The following MFSD8 variants were observed in gnomAD, a reference collection of about 807,000 sequenced individuals.
MFSD8 encodes the protein major facilitator superfamily domain-containing protein 8.
MFSD8 carries 55 observed loss-of-function variants against 66.4 expected under a neutral mutation model. The ratio of observed to expected loss-of-function variants is 0.83; its 90% CI spans 0.67 to 1.04. The LOEUF is 1.04. Ranked by LOEUF, MFSD8 falls within the 50% of genes least tolerant of loss-of-function variation. The pLI, the probability that MFSD8 is intolerant of heterozygous loss-of-function variation, is 0.00. For synonymous variants in MFSD8, 202 were observed against 212.8 expected (o/e 0.95, Z 0.44); for missense variants, 550 against 627.6 (o/e 0.88, Z 1.32).
chr4:127,948,969 A>G (rs936600032), intron 3 of MFSD8, among the ~76,000 whole-genome samples: 1 of 152,256 alleles, frequency 6.6e-6, no homozygotes, highest in Non-Finnish European at 1.5e-5. Flanking sequence ...AGACTAATAC[A>G]GGTGGTTTCA....
upstream of MFSD8, chr4:127,965,271 C>T (rs533940336): frequency 1.4e-5 from 16 of 1,107,714 alleles, no homozygotes; most frequent in South Asian, 1.3e-4. Flanking sequence ...CGGAACGCCC[C>T]GAGGTCATAG....
At chr4:127,921,357 C>T in intron 11 of MFSD8, 167 bp downstream of exon 11, 1 of 1,147,910 alleles carries the variant, frequency 8.7e-7, no homozygotes, top group Non-Finnish European at 1.2e-6. Flanking sequence ...CATAACCTAC[C>T]CAAGAATGAA....
At chr4:127,963,214 T>C (rs1170781253) in intron 1 of MFSD8, among the ~76,000 whole-genome samples, 1 of 152,188 alleles carries the variant, frequency 6.6e-6, no homozygotes, top group Non-Finnish European at 1.5e-5. Context: ...TTGGACAGAT[T>C]TGTTAAACTA....
At chr4:127,929,418 A>C (rs1737774851) in intron 9 of MFSD8, among the ~76,000 whole-genome samples, 1 of 147,586 alleles carries the variant, frequency 6.8e-6, no homozygotes, top group East Asian at 1.9e-4. Flanking sequence ...CTCTACAAAA[A>C]GTTAAAAAAA....
intron 2 of MFSD8, among the ~76,000 whole-genome samples, chr4:127,952,942 C>G (rs552382439): frequency 1.3e-5 from 2 of 149,026 alleles, no homozygotes; most frequent in East Asian, 2.0e-4. Flanking sequence ...GAAATTGTTT[C>G]TTATAATTTT....
intron 9 of MFSD8, among the ~76,000 whole-genome samples, chr4:127,925,746 C>A (rs1285616853): frequency 6.6e-6 from 1 of 152,108 alleles, no homozygotes; most frequent in Non-Finnish European, 1.5e-5. Flanking sequence ...TGGGTATATA[C>A]CCAAAGGATT....
intron 9 of MFSD8, among the ~76,000 whole-genome samples, chr4:127,926,061 A>G (rs1364048612): frequency 6.6e-6 from 1 of 151,892 alleles, no homozygotes; most frequent in African/African-American, 2.4e-5. Flanking sequence ...CAGGGAGGGG[A>G]ACATCACACA....
At chr4:127,964,780 G>A (rs543908456) in intron 1 of MFSD8, 34 of 550,738 alleles carry the variant, frequency 6.2e-5, no homozygotes, top group East Asian at 9.6e-5. Context: ...TGTGAGGACT[G>A]CCAGCACGCT....
chr4:127,949,751 A>G, intron 3 of MFSD8, 53 bp downstream of exon 3: 1 of 1,460,434 alleles, frequency 6.8e-7, no homozygotes. Flanking sequence ...TTAACTACGT[A>G]AGAGTTACTA....
chr4:127,960,196 A>G (rs1743511040), intron 1 of MFSD8, among the ~76,000 whole-genome samples: 1 of 152,214 alleles, frequency 6.6e-6, no homozygotes, highest in South Asian at 2.1e-4. Context: ...GGAATACACA[A>G]TATAGTGGAG....
chr4:127,938,720 A>T lies in MFSD8; in HGVS notation c.754+63T>A, dbSNP rs1183023070. The T allele has an allele frequency of 3.9e-5, 56 of 1,421,296 alleles. 1 individual carries two copies. The highest frequency in any genetic ancestry group is 5.0e-5 in the Non-Finnish European group (51 of 1,014,868). The allele number at this position is 1,421,296 out of a possible 1,614,324, so 88.0% of individuals were successfully genotyped here. A position where few individuals can be genotyped will look rare whatever the true frequency, so the allele number is the denominator to read the frequency against. On this transcript the variant is annotated intron_variant, in intron 7 of 11. Coordinates refer to ENST00000641686, the MANE Select transcript of MFSD8 (RefSeq NM_001371596.2). ...GCAAAATCGAAGTAAATACCAAACA[A>T]ACAGAATCATTAGAAACACTTTGAT...
rs952826538 is a variant in MFSD8 at position 127,953,543 on chromosome 4, G to GTTTTTTTTTT, written c.155-3706_155-3697dup. 6.0e-5 allele frequency among the ~76,000 whole-genome samples: 4 copies of GTTTTTTTTTT among 67,032 alleles called. 1 individual carries two copies. Among genetic ancestry groups the GTTTTTTTTTT allele is most frequent in the African/African-American group, 1.3e-4 (2 of 15,750 alleles). 44.0% of individuals were successfully genotyped at this position (67,032 alleles called of 152,430 possible). ...TTCTGATATTTGCACAAGGCATTCT[G>GTTTTTTTTTT]TTTTTTTTTTTTTTTTTTTTTTTTT... On this transcript the variant is annotated intron_variant, in intron 2 of 11. Transcript: ENST00000641686.
intron 6 of MFSD8, chr4:127,939,480 C>T (rs1276220084): frequency 5.6e-6 from 1 of 179,640 alleles, no homozygotes; most frequent in Non-Finnish European, 1.2e-5. Flanking sequence ...TTGGCATGCA[C>T]CTGTAGCCCC....
At chr4:127,944,734 C>A (rs2148925570) in intron 3 of MFSD8, among the ~76,000 whole-genome samples, 2 of 152,174 alleles carry the variant, frequency 1.3e-5, no homozygotes, top group South Asian at 4.1e-4. Flanking sequence ...GATCACGGCT[C>A]AGTGCAGCCT....
Position 127,919,260 on chromosome 4 carries a change from G to C in MFSD8, c.*1370C>G, listed in dbSNP as rs1350140266. The C allele has an allele frequency of 6.6e-6, 1 of 152,114 alleles. No homozygotes were observed. The highest frequency in any genetic ancestry group is 1.5e-5 in the Non-Finnish European group (1 of 68,038). 9.4% of individuals were successfully genotyped at this position (152,114 alleles called of 1,614,324 possible). A position where few individuals can be genotyped will look rare whatever the true frequency, so the allele number is the denominator to read the frequency against. On this transcript the variant is annotated 3_prime_UTR_variant, in exon 12 of 12. Transcript: ENST00000641686. Reference sequence around the variant, plus strand: ...TCACTTTGTTTCCCAGGCTGGTCTTGAATTCCTGGCCTCAAGCAATCCTCC... The same window carrying C: ...TCACTTTGTTTCCCAGGCTGGTCTTCAATTCCTGGCCTCAAGCAATCCTCC...
chr4:127,943,816 GT>G lies in MFSD8; in HGVS notation c.374del (p.His125ProfsTer25). 1 of 1,614,164 alleles carries G rather than the reference GT, an allele frequency of 6.2e-7. No individual in the cohort carries two copies. The highest frequency in any genetic ancestry group is 8.5e-7 in the Non-Finnish European group (1 of 1,180,022). On this transcript the variant is annotated frameshift_variant, in exon 4 of 12. Coordinates refer to ENST00000641686, the MANE Select transcript of MFSD8 (RefSeq NM_001371596.2). LOFTEE classifies it high-confidence loss of function. The stretch of plus-strand genomic sequence containing the variant: ...AGTATTTATTATGAGAAGCTGGGAT[GT>G]GGAGATATGCATAGAGGCAGTTGGC... ...VAANCLYAYL[H>X]IPASHNKYYM... is the part of the protein sequence containing the mutation.
chr4:127,923,163 T>G (rs943418971), intron 9 of MFSD8, among the ~76,000 whole-genome samples: 1 of 152,200 alleles, frequency 6.6e-6, no homozygotes, highest in Non-Finnish European at 1.5e-5. Flanking sequence ...TCCAACACTA[T>G]GTTGAACAGG....
intron 7 of MFSD8, among the ~76,000 whole-genome samples, chr4:127,937,840 A>G (rs528959413): frequency 4.2e-4 from 64 of 152,332 alleles, no homozygotes; most frequent in South Asian, 1.9e-3. Flanking sequence ...AATTAAATAA[A>G]AGAGCTATGA....
intron 3 of MFSD8, among the ~76,000 whole-genome samples, chr4:127,946,225 C>T (rs907536142): frequency 2.6e-5 from 4 of 152,056 alleles, no homozygotes; most frequent in African/African-American, 9.7e-5. Context: ...CAGCACTGGG[C>T]CTGATAGCAA....
Sources: allele counts gnomAD v4.1 joint callset (sites outside exome capture counted in the v4.1 genomes callset), GRCh38; gene constraint gnomAD v4.1.1; transcripts MANE v1.5; gene names NCBI Gene and HGNC (gene_info 2026-07-23, HGNC 2026-07-21).